The following TNFSF15 variants were observed in gnomAD, a reference collection of about 807,000 sequenced individuals.
TNFSF15 encodes the protein tumor necrosis factor ligand superfamily member 15.
A neutral mutation model predicts 26.4 loss-of-function variants in TNFSF15; 15 were observed. The observed-to-expected ratio is 0.57, with a 90% confidence interval of 0.38 to 0.87. The LOEUF is 0.87. Among genes scored for constraint, TNFSF15 ranks in the 40% least tolerant of loss-of-function variants. The pLI is 0.00. For missense variants in TNFSF15, 290 were observed against 306.1 expected (o/e 0.95, Z 0.39); for synonymous variants, 116 against 115.0 (o/e 1.01, Z -0.06).
chr9:114,795,039 C>A (rs961110072), intron 1 of TNFSF15, among the ~76,000 whole-genome samples: 1 of 152,052 alleles, frequency 6.6e-6, no homozygotes, highest in South Asian at 2.1e-4. Flanking sequence ...GAAGAGAAAA[C>A]TTGAAATGTT....
intron 1 of TNFSF15, among the ~76,000 whole-genome samples, chr9:114,804,894 T>C (rs1829797454): frequency 1.3e-5 from 2 of 152,186 alleles, no homozygotes; most frequent in Non-Finnish European, 2.9e-5. Flanking sequence ...CCCATTTTTT[T>C]CCCTTTGCAA....
In TNFSF15 at chr9:114,784,704, A is replaced by G. The variant is rs531404136; in HGVS notation, c.*5748T>C. The G allele has an allele frequency of 6.6e-6, 1 of 152,356 alleles. No individual in the cohort carries two copies. Among genetic ancestry groups the G allele is most frequent in the South Asian group, 2.1e-4 (1 of 4,834 alleles). 9.4% of individuals were successfully genotyped at this position (152,356 alleles called of 1,614,324 possible). A position where few individuals can be genotyped will look rare whatever the true frequency, so the allele number is the denominator to read the frequency against. ...TTACATCTATTAAATATATTAACAC[A>G]TACAACATTTCATTTACAGAGATTA... On this transcript the variant is annotated 3_prime_UTR_variant, in exon 4 of 4. Coordinates refer to ENST00000374045, the MANE Select transcript of TNFSF15 (RefSeq NM_005118.4).
chr9:114,790,699 C>T lies in TNFSF15; in HGVS notation c.509G>A (p.Arg170Gln), dbSNP rs144487361. The stretch of plus-strand genomic sequence containing the variant: ...AGTGATGGAGTCTGGCTTGTTTGGT[C>T]GGCCTGCTTGTCTGATTTCACTGCA... ...SECSEIRQAGRPNKPDSITVV... is the reference protein window; with the variant it reads ...SECSEIRQAGQPNKPDSITVV... Residue 170 changes from arginine (R) to glutamine (Q), a missense_variant, in exon 4 of 4, where the codon CGA becomes CAA. Transcript: ENST00000374045. 11 of 1,613,858 alleles carry T rather than the reference C, an allele frequency of 6.8e-6. No individual in the cohort carries two copies. The highest frequency in any genetic ancestry group is 6.7e-5 in the East Asian group (3 of 44,878).
intron 1 of TNFSF15, among the ~76,000 whole-genome samples, chr9:114,795,774 C>T (rs750786255): frequency 3.3e-5 from 5 of 152,102 alleles, no homozygotes; most frequent in African/African-American, 4.8e-5. Context: ...ACTAAATTGA[C>T]GTGTTTTAGC....
At chr9:114,796,322 T>C (rs1829671623) in intron 1 of TNFSF15, among the ~76,000 whole-genome samples, 1 of 152,200 alleles carries the variant, frequency 6.6e-6, no homozygotes. Context: ...TTTATCTAGA[T>C]ACTACACTGC....
At position 114,805,950 on chromosome 9, in the gene TNFSF15, G is replaced by A. The variant is rs146813484; in HGVS notation, c.63C>T (p.His21=). 60 of 1,614,112 alleles carry A rather than the reference G, an allele frequency of 3.7e-5. 1 individual carries two copies. Among genetic ancestry groups the A allele is most frequent in the Admixed American group, 5.0e-5 (3 of 60,036 alleles). Residue 21 remains histidine (H), a synonymous_variant, in exon 1 of 4, where the codon CAC becomes CAT. Transcript: ENST00000374045. ...TCCTGGCCTTGGGCCTGCAGCTGCC[G>A]TGCTCTGGCAGCATTTCCACACTGG... ...ETASVEMLPE[H]GSCRPKARSS...
At chr9:114,805,763 C>T in intron 1 of TNFSF15, 40 bp downstream of exon 1, 1 of 1,590,110 alleles carries the variant, frequency 6.3e-7, no homozygotes, top group South Asian at 1.1e-5. Context: ...TGCAGAGAGT[C>T]CACTGCTCCT....
At chr9:114,805,164 C>A (rs1199282185) in intron 1 of TNFSF15, among the ~76,000 whole-genome samples, 5 of 152,104 alleles carry the variant, frequency 3.3e-5, no homozygotes, top group Admixed American at 6.5e-5. Context: ...GAGGTTCTTT[C>A]TTAAGCTCTA....
chr9:114,794,711 A>G (rs1829653614), intron 1 of TNFSF15, among the ~76,000 whole-genome samples: 2 of 152,172 alleles, frequency 1.3e-5, no homozygotes, highest in African/African-American at 4.8e-5. Flanking sequence ...AAATGAAATC[A>G]CGTTATTTGC....
chr9:114,790,249 G>A lies in TNFSF15; in HGVS notation c.*203C>T, dbSNP rs182858785. On this transcript the variant is annotated 3_prime_UTR_variant, in exon 4 of 4. Transcript: ENST00000374045. ...CTTAATAATATATTTGCTCTCTTCAGCCTTTTTCCAGTTAGTACTCTCATC... is the reference window on the plus strand; with the variant it reads ...CTTAATAATATATTTGCTCTCTTCAACCTTTTTCCAGTTAGTACTCTCATC... 7.6e-5 allele frequency: 39 copies of A among 515,674 alleles called. No individual in the cohort carries two copies. The highest frequency in any genetic ancestry group is 6.5e-4 in the African/African-American group (34 of 52,644). The allele number at this position is 515,674 out of a possible 1,614,324, so 31.9% of individuals were successfully genotyped here.
Position 114,789,724 on chromosome 9 carries a change from C to G in TNFSF15, c.*728G>C, listed in dbSNP as rs770930227. The G allele has an allele frequency of 3.9e-5, 6 of 152,280 alleles. No homozygotes were observed. The highest frequency in any genetic ancestry group is 8.8e-5 in the Non-Finnish European group (6 of 68,028). 9.4% of individuals were successfully genotyped at this position (152,280 alleles called of 1,614,324 possible). Reference sequence around the variant, plus strand: ...TCTGTCTTGTTTTTCATAGTGTCTTCTGGGTTAAGGTAGAACCCAGCACAA... The same window carrying G: ...TCTGTCTTGTTTTTCATAGTGTCTTGTGGGTTAAGGTAGAACCCAGCACAA... On this transcript the variant is annotated 3_prime_UTR_variant, in exon 4 of 4. Transcript: ENST00000374045.
chr9:114,802,335 C>G (rs982564756), intron 1 of TNFSF15, among the ~76,000 whole-genome samples: 11 of 152,154 alleles, frequency 7.2e-5, no homozygotes, highest in Non-Finnish European at 1.6e-4. Flanking sequence ...TCACTGCAAC[C>G]TCCGCCTCCC....
intron 1 of TNFSF15, 110 bp downstream of exon 1, chr9:114,805,693 G>T: frequency 9.2e-7 from 1 of 1,087,316 alleles, no homozygotes; most frequent in Non-Finnish European, 1.3e-6. Context: ...GTAGAAACAA[G>T]AAATGTGATA....
Position 114,790,675 on chromosome 9 carries a change from G to C in TNFSF15, c.533C>G (p.Thr178Ser), listed in dbSNP as rs1469676476. ...GTCTGTTACCTTGGTGATGACCACAGTGATGGAGTCTGGCTTGTTTGGTCG... is the reference window on the plus strand; with the variant it reads ...GTCTGTTACCTTGGTGATGACCACACTGATGGAGTCTGGCTTGTTTGGTCG... ...AGRPNKPDSI[T>S]VVITKVTDSY... The change falls in exon 4 of 4, where the codon ACT becomes AGT. Residue 178 changes from threonine to serine, a missense_variant. Thr to Ser is a moderately conservative substitution (Grantham distance 58). Around this residue, in one of 3 missense-constraint regions of TNFSF15, gnomAD observed 102 missense variants for 114.7 expected, o/e 0.89. Coordinates refer to ENST00000374045, the MANE Select transcript of TNFSF15 (RefSeq NM_005118.4). 1.9e-6 allele frequency: 3 copies of C among 1,613,996 alleles called. No individual in the cohort carries two copies. Among genetic ancestry groups the C allele is most frequent in the Non-Finnish European group, 2.5e-6 (3 of 1,180,022 alleles).
chr9:114,803,099 C>T (rs763782469), intron 1 of TNFSF15, among the ~76,000 whole-genome samples: 1 of 152,086 alleles, frequency 6.6e-6, no homozygotes, highest in East Asian at 1.9e-4. Context: ...AGCCCAGGTG[C>T]CTTCCTTCCC....
Position 114,790,390 on chromosome 9 carries a change from G to T in TNFSF15, c.*62C>A. 6.8e-7 allele frequency: 1 copy of T among 1,478,350 alleles called. No individual in the cohort carries two copies. Among genetic ancestry groups the T allele is most frequent in the South Asian group, 1.4e-5 (1 of 73,062 alleles). 91.6% of individuals were successfully genotyped at this position (1,478,350 alleles called of 1,614,324 possible). ...AAAACCCCTGGTTATAATTACATTT[G>T]AACAAAGAAAATTAGGAACTCGGTG... On this transcript the variant is annotated 3_prime_UTR_variant, in exon 4 of 4. Coordinates refer to ENST00000374045, the MANE Select transcript of TNFSF15 (RefSeq NM_005118.4).
chr9:114,796,948 C>T (rs1468654806), intron 1 of TNFSF15, among the ~76,000 whole-genome samples: 2 of 152,186 alleles, frequency 1.3e-5, no homozygotes, highest in Non-Finnish European at 2.9e-5. Flanking sequence ...TGAACTTATT[C>T]TGTAGTCTAT....
At position 114,790,556 on chromosome 9, in the gene TNFSF15, A is replaced by G; in HGVS notation, c.652T>C (p.Phe218Leu). The G allele has an allele frequency of 6.2e-7, 1 of 1,614,140 alleles. No individual in the cohort carries two copies. Among genetic ancestry groups the G allele is most frequent in the Non-Finnish European group, 8.5e-7 (1 of 1,180,022 alleles). The change falls in exon 4 of 4, where the codon TTC becomes CTC. Residue 218 changes from phenylalanine to leucine, a missense_variant. Phe to Leu is a conservative substitution (Grantham distance 22, BLOSUM62 0). Coordinates refer to ENST00000374045, the MANE Select transcript of TNFSF15 (RefSeq NM_005118.4). The stretch of plus-strand genomic sequence containing the variant: ...AGCTTGTCCCCTTCTTGCAAGGAGA[A>G]CATGGCTCCGAGGTAGATGGGCTGG... The part of the protein sequence containing the change: ...WFQPIYLGAM[F>L]SLQEGDKLMV...
Position 114,805,901 on chromosome 9 carries a change from T to A in TNFSF15, c.112A>T (p.Thr38Ser). The part of the protein sequence containing the change: ...ARSSSARWAL[T>S]CCLVLLPFLA... ...AAGGGGAGCAACACCAGGCAGCAGG[T>A]GAGAGCCCAGCGTGCGCTGCTGCTC... Residue 38 changes from threonine (T) to serine (S), a missense_variant, in exon 1 of 4, where the codon ACC becomes TCC. Around this residue, in one of 3 missense-constraint regions of TNFSF15, gnomAD observed 179 missense variants for 165.9 expected, o/e 1.08. Transcript: ENST00000374045. The A allele has an allele frequency of 6.2e-7, 1 of 1,614,088 alleles. No individual in the cohort carries two copies. Among genetic ancestry groups the A allele is most frequent in the Non-Finnish European group, 8.5e-7 (1 of 1,180,022 alleles).
Sources: gnomAD v4.1 joint callset for allele counts (sites outside exome capture counted in the v4.1 genomes callset) on GRCh38, gnomAD v4.1.1 for gene constraint, gnomAD v4.1.1 regional missense constraint, MANE v1.5 for transcripts, NCBI Gene and HGNC (gene_info 2026-07-23, HGNC 2026-07-21) for gene names.